Variants in RYR2 observed in about 807,000 individuals in gnomAD.
RYR2 encodes the protein cardiac muscle ryanodine receptor-calcium release channel.
RYR2 carries 227 observed loss-of-function variants against 601.1 expected under a neutral mutation model. The observed-to-expected ratio is 0.38, with a 90% CI of 0.34 to 0.42. The LOEUF is 0.42. RYR2 is among the 10% of genes least tolerant of loss of function. The pLI is 1.00. For synonymous variants in RYR2, 2,223 were observed against 2,175.1 expected (o/e 1.02, Z -0.61); for missense variants, 4,646 against 6,156.5 (o/e 0.75, Z 8.21).
At chr1:237,640,025 A>ACG (rs1414213356) in intron 46 of RYR2, among the ~76,000 whole-genome samples, 4 of 151,756 alleles carry the variant, frequency 2.6e-5, no homozygotes, top group Non-Finnish European at 5.9e-5. Context: ...CACCACACAC[A>ACG]CACACACCAT....
chr1:237,477,249 G>C (rs1413268460), intron 17 of RYR2, among the ~76,000 whole-genome samples: 1 of 152,096 alleles, frequency 6.6e-6, no homozygotes, highest in Admixed American at 6.6e-5. Context: ...AAATAAGCTG[G>C]GCGTAGTGGT....
chr1:237,573,875 T>C (rs1672964048), intron 29 of RYR2, among the ~76,000 whole-genome samples: 1 of 151,924 alleles, frequency 6.6e-6, no homozygotes, highest in South Asian at 2.1e-4. Context: ...GACCTCTTCC[T>C]CAAATAGGGA....
At chr1:237,674,241 G>A in intron 59 of RYR2, 22 bp downstream of exon 59, 1 of 1,575,346 alleles carries the variant, frequency 6.3e-7, no homozygotes, top group Non-Finnish European at 8.7e-7. Flanking sequence ...CATACCCTAA[G>A]TACACACTCT....
At chr1:237,720,912 A>C (rs1230519273) in intron 73 of RYR2, among the ~76,000 whole-genome samples, 1 of 152,234 alleles carries the variant, frequency 6.6e-6, no homozygotes, top group Non-Finnish European at 1.5e-5. Flanking sequence ...AGACAGGAAG[A>C]AGGAAGAGAG....
chr1:237,202,758 A>G (rs1315039934), intron 1 of RYR2, among the ~76,000 whole-genome samples: 1 of 152,172 alleles, frequency 6.6e-6, no homozygotes, highest in African/African-American at 2.4e-5. Flanking sequence ...TTTTCGTTCC[A>G]GCATTCTGAA....
chr1:237,379,066 T>A (rs962383291), intron 8 of RYR2, among the ~76,000 whole-genome samples: 7 of 152,220 alleles, frequency 4.6e-5, no homozygotes, highest in Non-Finnish European at 1.0e-4. Flanking sequence ...GCATGTGCTA[T>A]GTATGTTAAG....
chr1:237,749,751 G>T (rs1320276890), intron 80 of RYR2, among the ~76,000 whole-genome samples: 1 of 152,148 alleles, frequency 6.6e-6, no homozygotes, highest in African/African-American at 2.4e-5. Flanking sequence ...ATTGATGAAA[G>T]CATGCAAGTT....
intron 96 of RYR2, among the ~76,000 whole-genome samples, chr1:237,796,472 A>G (rs1796909): frequency 0.55 from 84,029 of 151,998 alleles, 24,364 homozygotes; most frequent in East Asian, 0.84. Flanking sequence ...GAATAATGCA[A>G]AACAAATGGT....
intron 17 of RYR2, among the ~76,000 whole-genome samples, chr1:237,477,559 A>G (rs1661553145): frequency 1.3e-5 from 2 of 152,160 alleles, no homozygotes; most frequent in Admixed American, 6.5e-5. Flanking sequence ...ATTTATTACC[A>G]TTGTCTGGTC....
At chr1:237,656,312 C>T (rs1683241175) in intron 53 of RYR2, among the ~76,000 whole-genome samples, 1 of 152,080 alleles carries the variant, frequency 6.6e-6, no homozygotes, top group Non-Finnish European at 1.5e-5. Context: ...GACAATCAAC[C>T]TCTATATAAC....
intron 1 of RYR2, among the ~76,000 whole-genome samples, chr1:237,217,029 C>T (rs1190025166): frequency 6.6e-6 from 1 of 152,132 alleles, no homozygotes; most frequent in Non-Finnish European, 1.5e-5. Context: ...GAATAAGAAG[C>T]AGGGTTCTTA....
At chr1:237,462,512 A>G (rs1163274073) in intron 16 of RYR2, among the ~76,000 whole-genome samples, 2 of 152,176 alleles carry the variant, frequency 1.3e-5, no homozygotes, top group African/African-American at 4.8e-5. Flanking sequence ...TACAAGACAG[A>G]ATGATTTTCT....
chr1:237,810,742 T>C (rs997484455), intron 100 of RYR2, among the ~76,000 whole-genome samples: 30 of 152,126 alleles, frequency 2.0e-4, no homozygotes, highest in Non-Finnish European at 3.5e-4. Context: ...GATAAATCCA[T>C]AACAAGTATG....
intron 96 of RYR2, 112 bp from the exon 97 acceptor site, chr1:237,797,925 T>TGTTAGGGCAAATATACAGTAAGTATAA (rs1659452022): frequency 7.0e-6 from 7 of 1,006,526 alleles, no homozygotes; most frequent in Middle Eastern, 2.1e-4. Context: ...TTTAAGTGAT[T>TGTTAGGGCAAATATACAGTAAGTATAA]GTTAGGGCAA....
chr1:237,237,251 G>A (rs1023403775), intron 1 of RYR2, among the ~76,000 whole-genome samples: 4 of 152,120 alleles, frequency 2.6e-5, no homozygotes, highest in Non-Finnish European at 4.4e-5. Context: ...AATACAAGTA[G>A]TATCCTTTGT....
intron 1 of RYR2, among the ~76,000 whole-genome samples, chr1:237,209,382 T>C (rs933871157): frequency 6.6e-6 from 1 of 152,102 alleles, no homozygotes; most frequent in Non-Finnish European, 1.5e-5. Context: ...AACAGATAAA[T>C]GATATAACAG....
chr1:237,660,672 T>C (rs1683697609), intron 55 of RYR2, 138 bp from the exon 56 acceptor site: 2 of 731,528 alleles, frequency 2.7e-6, no homozygotes, highest in South Asian at 3.4e-5. Context: ...AATTTTACTT[T>C]CCTTTTTATA....
rs143079905 is a variant in RYR2 at position 237,561,216 on chromosome 1, C to T, written c.3215-5351C>T. Among the ~76,000 whole-genome samples the T allele has an allele frequency of 1.5e-3, 229 of 152,134 alleles. 1 individual carries two copies. Among genetic ancestry groups the T allele is most frequent in the South Asian group, 5.0e-3 (24 of 4,824 alleles). ...GTTGTTTGACAAGGTTTGATTTTACCGAAGTTATGTGAACAGTGAGCAATG... is the reference window on the plus strand; with the variant it reads ...GTTGTTTGACAAGGTTTGATTTTACTGAAGTTATGTGAACAGTGAGCAATG... On this transcript the variant is annotated intron_variant, in intron 27 of 104. Transcript: ENST00000366574.
At chr1:237,211,657 C>T (rs1253289123) in intron 1 of RYR2, among the ~76,000 whole-genome samples, 2 of 152,194 alleles carry the variant, frequency 1.3e-5, no homozygotes, top group South Asian at 2.1e-4. Context: ...TTTGCTTTAT[C>T]ATTTATCCAT....
Sources: allele counts gnomAD v4.1 joint callset (sites outside exome capture counted in the v4.1 genomes callset), GRCh38; gene constraint gnomAD v4.1.1; transcripts MANE v1.5; gene names NCBI Gene and HGNC (gene_info 2026-07-23, HGNC 2026-07-21).